TNIK: variants seen among roughly 807,000 people sequenced by gnomAD.
TNIK encodes TRAF2 and NCK-interacting protein kinase.
A neutral mutation model predicts 191.3 loss-of-function variants in TNIK; 49 were observed. The observed-to-expected ratio is 0.26, with a 90% CI of 0.20 to 0.32. The LOEUF (loss-of-function observed/expected upper bound fraction) is 0.32, where lower values mean the gene tolerates loss of function less well. Ranked by LOEUF, TNIK falls within the 10% of genes least tolerant of loss-of-function variation. The pLI, the probability that TNIK is intolerant of heterozygous loss-of-function variation, is 1.00. For missense variants in TNIK, 1,155 were observed against 1,702.3 expected (o/e 0.68, Z 5.66); for synonymous variants, 594 against 600.9 (o/e 0.99, Z 0.17).
chr3:171,130,407 G>A (rs925286294), intron 15 of TNIK, among the ~76,000 whole-genome samples: 2 of 152,182 alleles, frequency 1.3e-5, no homozygotes, highest in African/African-American at 2.4e-5. Context: ...GAAATCCCGT[G>A]TCCCAGAAGC....
intron 1 of TNIK, among the ~76,000 whole-genome samples, chr3:171,441,625 C>A (rs66582146): frequency 0.2 from 30,176 of 152,142 alleles, 3,271 homozygotes; most frequent in African/African-American, 0.26. Flanking sequence ...CACTCCTGTA[C>A]AAGTTTCTGT....
chr3:171,449,355 T>G (rs1264885822), intron 1 of TNIK, among the ~76,000 whole-genome samples: 1 of 152,216 alleles, frequency 6.6e-6, no homozygotes, highest in Non-Finnish European at 1.5e-5. Context: ...TTGAACTAAT[T>G]TACACTCCCA....
At chr3:171,361,924 A>G (rs1227668504) in intron 2 of TNIK, among the ~76,000 whole-genome samples, 2 of 152,170 alleles carry the variant, frequency 1.3e-5, no homozygotes, top group Non-Finnish European at 2.9e-5. Context: ...TTCCAAATAG[A>G]TCTATGGCAA....
chr3:171,329,612 G>A (rs1334857512), intron 2 of TNIK, among the ~76,000 whole-genome samples: 5 of 152,008 alleles, frequency 3.3e-5, no homozygotes. Flanking sequence ...ATATTCTAAA[G>A]AAGTAGATGG....
At chr3:171,442,029 T>C (rs1560079163) in intron 1 of TNIK, among the ~76,000 whole-genome samples, 1 of 152,152 alleles carries the variant, frequency 6.6e-6, no homozygotes, top group African/African-American at 2.4e-5. Context: ...CAAGTAAATA[T>C]AATGATCATA....
In TNIK at chr3:171,060,516, A is replaced by G. The variant is rs1717720275; in HGVS notation, c.*3365T>C. On this transcript the variant is annotated 3_prime_UTR_variant, in exon 33 of 33. Coordinates refer to ENST00000436636, the MANE Select transcript of TNIK (RefSeq NM_015028.4). ...CCTTGTGAGATTTCACCCATAACTTAATATACCCTGTTTAATAAAAATAAT... is the reference window on the plus strand; with the variant it reads ...CCTTGTGAGATTTCACCCATAACTTGATATACCCTGTTTAATAAAAATAAT... 6.6e-6 allele frequency among the ~76,000 whole-genome samples: 1 copy of G among 152,192 alleles called. No homozygotes were observed. The highest frequency in any genetic ancestry group is 1.5e-5 in the Non-Finnish European group (1 of 68,030).
intron 1 of TNIK, among the ~76,000 whole-genome samples, chr3:171,415,877 A>T (rs963927004): frequency 1.4e-5 from 2 of 147,800 alleles, no homozygotes; most frequent in Non-Finnish European, 3.0e-5. Context: ...GCTACTCGGG[A>T]AGCTGAGGCA....
In TNIK at chr3:171,157,707, G is replaced by A. The variant is rs756049620; in HGVS notation, c.1017-43C>T. 150 of 1,544,360 alleles carry A rather than the reference G, an allele frequency of 9.7e-5. 1 individual carries two copies. In the African/African-American group the frequency reaches 1.2e-3, roughly 12 times the overall value. ...TGATCAGGATCCCACGTGGGGCAGG[G>A]GCCATGGCTACCAAGAGGCCTTGGA... On this transcript the variant is annotated intron_variant, in intron 11 of 32. Coordinates refer to ENST00000436636, the MANE Select transcript of TNIK (RefSeq NM_015028.4).
In TNIK at chr3:171,068,915, G is replaced by A; in HGVS notation, c.3632C>T (p.Ser1211Leu). ...ATCAATTACATGGAAACCAGTGTGT[G>A]AACCAAAAATAACCTTTAATCTTTG... Reference protein sequence around the residue: ...EGQRLKVIFGSHTGFHVIDVD... With the variant: ...EGQRLKVIFGLHTGFHVIDVD... The change falls in exon 30 of 33, where the codon TCA becomes TTA. Residue 1211 changes from serine (S) to leucine (L), a missense_variant. By Grantham distance (145) the Ser-to-Leu change is moderately radical (BLOSUM62 -2). Around this residue, in one of 3 missense-constraint regions of TNIK, gnomAD observed 195 missense variants for 415.4 expected, o/e 0.47. Transcript: ENST00000436636. 6.2e-7 allele frequency: 1 copy of A among 1,613,776 alleles called. No homozygotes were observed. Among genetic ancestry groups the A allele is most frequent in the Non-Finnish European group, 8.5e-7 (1 of 1,179,790 alleles).
intron 2 of TNIK, among the ~76,000 whole-genome samples, chr3:171,329,754 A>G (rs1421112905): frequency 6.6e-6 from 1 of 152,246 alleles, no homozygotes; most frequent in Non-Finnish European, 1.5e-5. Context: ...CATTTTTACA[A>G]TATGACCTAC....
intron 19 of TNIK, among the ~76,000 whole-genome samples, chr3:171,109,214 C>T (rs1040181688): frequency 6.6e-6 from 1 of 152,170 alleles, no homozygotes; most frequent in Admixed American, 6.5e-5. Flanking sequence ...TAGGCTGGAG[C>T]GCAGTGGGGC....
chr3:171,148,731 C>T (rs1389784563), intron 12 of TNIK, among the ~76,000 whole-genome samples: 1 of 152,174 alleles, frequency 6.6e-6, no homozygotes, highest in Non-Finnish European at 1.5e-5. Context: ...TTATTAATGT[C>T]TTCACACATT....
At chr3:171,392,869 G>A (rs1385161033) in intron 1 of TNIK, among the ~76,000 whole-genome samples, 9 of 151,730 alleles carry the variant, frequency 5.9e-5, no homozygotes, top group African/African-American at 1.7e-4. Context: ...TCATCAGTGA[G>A]GAAATTTTCA....
intron 1 of TNIK, among the ~76,000 whole-genome samples, chr3:171,458,022 A>T (rs1366697190): frequency 6.6e-6 from 1 of 152,176 alleles, no homozygotes; most frequent in Non-Finnish European, 1.5e-5. Flanking sequence ...ATAAGGGACA[A>T]GTCCCGGCCC....
intron 28 of TNIK, 53 bp downstream of exon 28, chr3:171,079,465 A>C (rs532939677): frequency 8.2e-6 from 13 of 1,579,928 alleles, no homozygotes; most frequent in African/African-American, 6.8e-5. Context: ...CTAACTAAGT[A>C]AGTCTGATTG....
chr3:171,426,431 G>A lies in TNIK; in HGVS notation c.57+33576C>T, dbSNP rs1163425644. Among the ~76,000 whole-genome samples, 103 of 149,036 alleles carry A rather than the reference G, an allele frequency of 6.9e-4. 2 individuals are homozygous for A. The highest frequency in any genetic ancestry group is 1.3e-4 in the Non-Finnish European group (9 of 67,216). On this transcript the variant is annotated intron_variant, in intron 1 of 32. Transcript: ENST00000436636. ...GGGGTGGGGGGAGGGGGGAGGGATA[G>A]CATTAGGAGATATACCTAATGTAAA...
At chr3:171,403,712 A>C (rs1003014235) in intron 1 of TNIK, among the ~76,000 whole-genome samples, 11 of 152,170 alleles carry the variant, frequency 7.2e-5, no homozygotes, top group Non-Finnish European at 1.6e-4. Flanking sequence ...ACTAATAAAG[A>C]CAGCAACTTA....
chr3:171,283,815 A>C (rs1750734273), intron 2 of TNIK, among the ~76,000 whole-genome samples: 1 of 152,234 alleles, frequency 6.6e-6, no homozygotes, highest in African/African-American at 2.4e-5. Flanking sequence ...ATGGCGCTGC[A>C]TGGGAATACA....
At chr3:171,311,967 C>T (rs1754060214) in intron 2 of TNIK, among the ~76,000 whole-genome samples, 2 of 151,726 alleles carry the variant, frequency 1.3e-5, no homozygotes, top group Non-Finnish European at 2.9e-5. Flanking sequence ...ACCAAGAGTA[C>T]ATGTGACTTC....
Sources: allele counts gnomAD v4.1 joint callset (sites outside exome capture counted in the v4.1 genomes callset), GRCh38; gene constraint gnomAD v4.1.1; regional missense constraint gnomAD v4.1.1; transcripts MANE v1.5; gene names NCBI Gene and HGNC (gene_info 2026-07-23, HGNC 2026-07-21).